Variants in GRM8 observed in about 807,000 individuals in gnomAD.
GRM8 encodes the protein metabotropic glutamate receptor 8.
Under a neutral mutation model 87.2 loss-of-function variants are expected in GRM8, and 47 were observed. The observed-to-expected ratio is 0.54, with a 90% confidence interval of 0.43 to 0.69. The LOEUF (loss-of-function observed/expected upper bound fraction) is 0.69, where lower values mean the gene tolerates loss of function less well. Among genes scored for constraint, GRM8 ranks in the 30% least tolerant of loss-of-function variants. The pLI is 0.00. For missense variants in GRM8, 1,019 were observed against 1,139.2 expected, an observed-to-expected ratio of 0.89 and a Z score of 1.52; for synonymous variants, 396 against 404.5, an observed-to-expected ratio of 0.98 and a Z score of 0.25.
intron 6 of GRM8, among the ~76,000 whole-genome samples, chr7:126,852,872 TG>T (rs1174176674): frequency 4.6e-5 from 7 of 152,200 alleles, no homozygotes; most frequent in Non-Finnish European, 1.0e-4. Context: ...TTTACCTTTT[TG>T]AGTATTTTTA....
At chr7:126,746,593 C>G (rs1815713339) in intron 7 of GRM8, among the ~76,000 whole-genome samples, 1 of 151,616 alleles carries the variant, frequency 6.6e-6, no homozygotes, top group Non-Finnish European at 1.5e-5. Context: ...ACTAGTCCCT[C>G]TAAGAACATC....
intron 8 of GRM8, among the ~76,000 whole-genome samples, chr7:126,599,758 T>G (rs1380786057): frequency 6.6e-6 from 1 of 152,098 alleles, no homozygotes. Context: ...TGTTTAAAGT[T>G]AAAAAAGAAT....
intron 3 of GRM8, among the ~76,000 whole-genome samples, chr7:127,077,635 T>G (rs542353608): frequency 2.0e-4 from 31 of 152,340 alleles, no homozygotes; most frequent in African/African-American, 7.2e-4. Context: ...TAGAGTCAGT[T>G]TGCATTAAAA....
At chr7:126,789,070 A>G (rs908450697) in intron 6 of GRM8, among the ~76,000 whole-genome samples, 4 of 152,220 alleles carry the variant, frequency 2.6e-5, no homozygotes, top group Non-Finnish European at 5.9e-5. Context: ...GGAAAGCAAG[A>G]TGGTTTTTCT....
At chr7:126,969,722 T>G (rs2131753161) in intron 3 of GRM8, among the ~76,000 whole-genome samples, 1 of 152,330 alleles carries the variant, frequency 6.6e-6, no homozygotes, top group East Asian at 1.9e-4. Flanking sequence ...ATCACAAATG[T>G]TCTTACTGGC....
chr7:127,111,325 C>G (rs1163547379), intron 2 of GRM8: 1 of 152,102 alleles, frequency 6.6e-6, no homozygotes. Context: ...AAAAGAAATT[C>G]ATTTACATAT....
intron 9 of GRM8, among the ~76,000 whole-genome samples, chr7:126,480,301 G>A (rs1329274999): frequency 6.6e-6 from 1 of 152,070 alleles, no homozygotes; most frequent in Non-Finnish European, 1.5e-5. Context: ...CAAGAATTGT[G>A]CTAACCTGAG....
intron 7 of GRM8, among the ~76,000 whole-genome samples, chr7:126,621,500 C>A (rs1190367181): frequency 6.6e-6 from 1 of 152,142 alleles, no homozygotes; most frequent in African/African-American, 2.4e-5. Flanking sequence ...CTCACTGCAA[C>A]CTCCGCCTCC....
chr7:126,914,193 A>G (rs1803619469), intron 3 of GRM8, among the ~76,000 whole-genome samples: 1 of 152,238 alleles, frequency 6.6e-6, no homozygotes, highest in Non-Finnish European at 1.5e-5. Context: ...CACTGGTCAC[A>G]GAGAAATGCA....
At chr7:126,557,098 C>T (rs1793225771) in intron 8 of GRM8, among the ~76,000 whole-genome samples, 1 of 152,160 alleles carries the variant, frequency 6.6e-6, no homozygotes, top group South Asian at 2.1e-4. Flanking sequence ...AAGAAGGGAT[C>T]AGGGATATCT....
At chr7:126,550,721 AAAT>A (rs1324354701) in intron 8 of GRM8, among the ~76,000 whole-genome samples, 2 of 151,942 alleles carry the variant, frequency 1.3e-5, no homozygotes, top group South Asian at 4.1e-4. Flanking sequence ...TTAAAATAGA[AAAT>A]AATAAAAATA....
chr7:126,786,631 T>C (rs888320401), intron 6 of GRM8, among the ~76,000 whole-genome samples: 7 of 152,216 alleles, frequency 4.6e-5, no homozygotes, highest in African/African-American at 1.7e-4. Context: ...ATGTCCTACC[T>C]GTACAGGCCA....
At position 126,533,095 on chromosome 7, in the gene GRM8, A is replaced by C; in HGVS notation, c.2287T>G (p.Cys763Gly). Residue 763 changes from cysteine to glycine, a missense_variant, in exon 9 of 11, where the codon TGT becomes GGT. Physicochemically the swap from Cys to Gly is radical, Grantham distance 159. Transcript: ENST00000339582. ...CTCGTTTTAATGGCATAAACAGTAC[A>C]AGTGACCATCAAGAGGATACTGTAT... The part of the protein sequence containing the change: ...LGYSILLMVT[C>G]TVYAIKTRGV... 1.2e-6 allele frequency: 2 copies of C among 1,613,610 alleles called. No individual in the cohort carries two copies. The highest frequency in any genetic ancestry group is 1.7e-6 in the Non-Finnish European group (2 of 1,179,878).
At chr7:126,804,599 T>C (rs1792460951) in intron 6 of GRM8, among the ~76,000 whole-genome samples, 1 of 152,202 alleles carries the variant, frequency 6.6e-6, no homozygotes, top group Non-Finnish European at 1.5e-5. Flanking sequence ...AAAATCTAGT[T>C]ATAATTCCAC....
chr7:127,107,803 T>G (rs1316624895), intron 2 of GRM8, among the ~76,000 whole-genome samples: 2 of 152,186 alleles, frequency 1.3e-5, no homozygotes, highest in African/African-American at 2.4e-5. Context: ...TCTCAACATC[T>G]AAATAACCTT....
chr7:127,148,639 C>T (rs1828679564), intron 2 of GRM8, among the ~76,000 whole-genome samples: 2 of 151,846 alleles, frequency 1.3e-5, no homozygotes, highest in Non-Finnish European at 1.5e-5. Context: ...TTTCAGGCCA[C>T]AGTGGTATGA....
intron 2 of GRM8, among the ~76,000 whole-genome samples, chr7:127,202,264 G>T (rs900537606): frequency 2.0e-5 from 3 of 149,624 alleles, no homozygotes; most frequent in Non-Finnish European, 4.5e-5. Context: ...ACTATGATCT[G>T]CCTCTCAGGC....
At chr7:126,755,866 G>C (rs577506386) in intron 7 of GRM8, among the ~76,000 whole-genome samples, 1 of 151,994 alleles carries the variant, frequency 6.6e-6, no homozygotes, top group East Asian at 1.9e-4. Flanking sequence ...AATATTTCAG[G>C]AATTACATTT....
chr7:126,909,945 C>T (rs1384488176), intron 3 of GRM8, among the ~76,000 whole-genome samples: 1 of 152,088 alleles, frequency 6.6e-6, no homozygotes, highest in Non-Finnish European at 1.5e-5. Flanking sequence ...ATACCTGTGG[C>T]TTAATGGTTT....
Sources: allele counts gnomAD v4.1 joint callset (sites outside exome capture counted in the v4.1 genomes callset), GRCh38; gene constraint gnomAD v4.1.1; transcripts MANE v1.5; gene names NCBI Gene and HGNC (gene_info 2026-07-23, HGNC 2026-07-21).